KCNN2: variants seen among roughly 807,000 people sequenced by gnomAD.
KCNN2 encodes the protein potassium calcium-activated channel subfamily N member 2.
A neutral mutation model predicts 55.5 loss-of-function variants in KCNN2; 24 were observed. The observed-to-expected ratio is 0.43, with a 90% CI of 0.31 to 0.61. The LOEUF (loss-of-function observed/expected upper bound fraction) is 0.61, where lower values mean the gene tolerates loss of function less well. KCNN2 is among the 20% of genes least tolerant of loss of function. KCNN2 has a pLI of 0.08. For synonymous variants in KCNN2, 431 were observed against 336.1 expected, an observed-to-expected ratio of 1.28 and a Z score of -3.09; for missense variants, 754 against 853.6, an observed-to-expected ratio of 0.88 and a Z score of 1.45.
intron 2 of KCNN2, among the ~76,000 whole-genome samples, chr5:114,261,485 A>T (rs1424403089): frequency 1.3e-5 from 2 of 152,170 alleles, no homozygotes; most frequent in African/African-American, 4.8e-5. Context: ...CTTCCAAGTG[A>T]ACCTTTCACA....
chr5:114,424,952 C>T (rs1360101299), intron 3 of KCNN2, among the ~76,000 whole-genome samples: 1 of 152,006 alleles, frequency 6.6e-6, no homozygotes, highest in Non-Finnish European at 1.5e-5. Flanking sequence ...CCTGAGTATA[C>T]CTCCATCTAA....
chr5:114,137,452 A>G (rs1189374022), intron 1 of KCNN2, among the ~76,000 whole-genome samples: 1 of 152,186 alleles, frequency 6.6e-6, no homozygotes, highest in Admixed American at 6.5e-5. Flanking sequence ...GTCACTTGAT[A>G]TATAATCTTA....
rs1757452496 is a variant in KCNN2, at chr5:114,362,325, C to T, written c.186C>T (p.Gly62=). Residue 62 remains glycine, a synonymous_variant, in exon 1 of 8, where the codon GGC becomes GGT. Coordinates refer to ENST00000673685, the MANE Select transcript of KCNN2 (RefSeq NM_021614.4). ...HLAHQQPASG[G]SSPCLRCNSC... ...CGCACCAGCAGCCGGCCAGCGGCGGCAGCAGCCCATGCCTCCGGTGCAACA... is the reference window on the plus strand; with the variant it reads ...CGCACCAGCAGCCGGCCAGCGGCGGTAGCAGCCCATGCCTCCGGTGCAACA... 1 of 180,100 alleles carries T rather than the reference C, an allele frequency of 5.6e-6. No homozygotes were observed. The highest frequency in any genetic ancestry group is 2.4e-5 in the African/African-American group (1 of 42,000). 11.2% of individuals were successfully genotyped at this position (180,100 alleles called of 1,614,324 possible).
At chr5:114,344,194 G>C (rs997323265) in intron 2 of KCNN2, among the ~76,000 whole-genome samples, 2 of 152,112 alleles carry the variant, frequency 1.3e-5, no homozygotes, top group South Asian at 2.1e-4. Context: ...CAAGGAGTTT[G>C]GGTCTTACTA....
At chr5:114,225,721 C>T (rs900546864) in intron 2 of KCNN2, among the ~76,000 whole-genome samples, 3 of 151,846 alleles carry the variant, frequency 2.0e-5, no homozygotes, top group Non-Finnish European at 4.4e-5. Context: ...ATAAGACTTA[C>T]CAAAAAGAGA....
At chr5:114,293,166 A>C (rs547996607) in intron 2 of KCNN2, among the ~76,000 whole-genome samples, 106 of 152,178 alleles carry the variant, frequency 7.0e-4, no homozygotes, top group Non-Finnish European at 1.3e-3. Context: ...CTCTTTTCCT[A>C]ATTGTATACC....
chr5:114,179,681 C>T (rs1753203417), intron 1 of KCNN2, among the ~76,000 whole-genome samples: 1 of 151,842 alleles, frequency 6.6e-6, no homozygotes, highest in Admixed American at 6.6e-5. Context: ...TTATTTTTAC[C>T]TCTCCAGGCA....
chr5:114,415,424 C>T (rs1308111727), intron 3 of KCNN2, among the ~76,000 whole-genome samples: 4 of 151,758 alleles, frequency 2.6e-5, no homozygotes, highest in South Asian at 2.1e-4. Flanking sequence ...CAGTTGTGTG[C>T]GTGTGTGTGT....
chr5:114,428,976 C>T (rs1028047391), intron 3 of KCNN2, among the ~76,000 whole-genome samples: 3 of 152,006 alleles, frequency 2.0e-5, no homozygotes, highest in Non-Finnish European at 2.9e-5. Flanking sequence ...CATTAGAGGG[C>T]ATCTTGGTGG....
chr5:114,139,349 T>A (rs1003961076), intron 1 of KCNN2, among the ~76,000 whole-genome samples: 2 of 152,058 alleles, frequency 1.3e-5, no homozygotes, highest in Non-Finnish European at 2.9e-5. Context: ...TGCTCTAATG[T>A]CTTCTGACAT....
In KCNN2 at chr5:114,281,653, G is replaced by A. The variant is rs980830072; in HGVS notation, c.-185+60088G>A. On this transcript the variant is annotated intron_variant, in intron 2 of 10. Transcript: ENST00000512097. Reference sequence around the variant, plus strand: ...TGTGTGTGTGTGTGTGTGTGTTTATGTGTGCATTTGTGTGTATGATATCCT... The same window carrying A: ...TGTGTGTGTGTGTGTGTGTGTTTATATGTGCATTTGTGTGTATGATATCCT... Among the ~76,000 whole-genome samples, 162 of 152,006 alleles carry A rather than the reference G, an allele frequency of 1.1e-3. 1 individual carries two copies. Among genetic ancestry groups the A allele is most frequent in the Admixed American group, 1.5e-3 (23 of 15,252 alleles).
chr5:114,271,249 A>C (rs1755325638), intron 2 of KCNN2, among the ~76,000 whole-genome samples: 1 of 152,108 alleles, frequency 6.6e-6, no homozygotes, highest in East Asian at 1.9e-4. Flanking sequence ...TCCTTTACCT[A>C]GTCAGAAAAG....
At chr5:114,304,347 T>G (rs1286444661) in intron 2 of KCNN2, among the ~76,000 whole-genome samples, 1 of 152,184 alleles carries the variant, frequency 6.6e-6, no homozygotes, top group African/African-American at 2.4e-5. Flanking sequence ...CATCTTATCA[T>G]GCAACTTCTT....
intron 3 of KCNN2, among the ~76,000 whole-genome samples, chr5:114,458,736 T>C (rs1275172661): frequency 6.6e-6 from 1 of 152,204 alleles, no homozygotes; most frequent in Non-Finnish European, 1.5e-5. Context: ...AAGATGTTCC[T>C]GGGATACAGA....
chr5:114,423,436 G>A (rs978407250), intron 3 of KCNN2, among the ~76,000 whole-genome samples: 1 of 152,124 alleles, frequency 6.6e-6, no homozygotes, highest in South Asian at 2.1e-4. Context: ...GACTTAGGAA[G>A]TGTTTCATAA....
intron 3 of KCNN2, among the ~76,000 whole-genome samples, chr5:114,453,047 C>A (rs116455227): frequency 0.012 from 1,797 of 152,250 alleles, 26 homozygotes; most frequent in Middle Eastern, 0.024. Context: ...AGCTTTGTTA[C>A]TGAAATTAAA....
At chr5:114,096,208 G>A (rs904545337) in intron 1 of KCNN2, among the ~76,000 whole-genome samples, 1 of 152,114 alleles carries the variant, frequency 6.6e-6, no homozygotes, top group Non-Finnish European at 1.5e-5. Flanking sequence ...CCCAGCATGA[G>A]TACCTTTTCC....
At chr5:114,367,706 T>G (rs1757641850) in intron 2 of KCNN2, among the ~76,000 whole-genome samples, 1 of 152,112 alleles carries the variant, frequency 6.6e-6, no homozygotes, top group Non-Finnish European at 1.5e-5. Context: ...CTCTGATGGA[T>G]AAAGTACAAA....
intron 2 of KCNN2, among the ~76,000 whole-genome samples, chr5:114,322,304 G>A (rs2150029936): frequency 6.6e-6 from 1 of 152,282 alleles, no homozygotes. Flanking sequence ...TGTCTAGTAA[G>A]TAGAGAAAGA....
Sources: allele counts gnomAD v4.1 joint callset (sites outside exome capture counted in the v4.1 genomes callset), GRCh38; gene constraint gnomAD v4.1.1; transcripts MANE v1.5; gene names NCBI Gene and HGNC (gene_info 2026-07-23, HGNC 2026-07-21).